Variants in NR2F1-AS1 observed in about 807,000 individuals in gnomAD.
The protein encoded by NR2F1-AS1 is NR2F1 regulatory antisense RNA 1.
intron 4 of NR2F1-AS1, among the ~76,000 whole-genome samples, chr5:93,551,234 T>C (rs970014854): frequency 1.3e-5 from 2 of 152,050 alleles, no homozygotes; most frequent in African/African-American, 4.8e-5. Context: ...ATTTAGAAAA[T>C]ACGCCACTCA....
chr5:93,575,033 A>C (rs1013879733), intron 1 of NR2F1-AS1, among the ~76,000 whole-genome samples: 4 of 152,270 alleles, frequency 2.6e-5, no homozygotes, highest in African/African-American at 9.6e-5. Context: ...GTGTCCCCCA[A>C]GTCCCAGCCC....
chr5:93,576,782 A>G (rs1225765195), intron 1 of NR2F1-AS1, among the ~76,000 whole-genome samples: 1 of 152,222 alleles, frequency 6.6e-6, no homozygotes, highest in Non-Finnish European at 1.5e-5. Flanking sequence ...ACAGGTAACT[A>G]TTAAGGGAAA....
chr5:93,419,074 G>A (rs1375420285), intron 4 of NR2F1-AS1, among the ~76,000 whole-genome samples: 1 of 152,186 alleles, frequency 6.6e-6, no homozygotes, highest in African/African-American at 2.4e-5. Context: ...TCACTACAGT[G>A]TTATTTGCAA....
upstream of NR2F1-AS1, chr5:93,584,139 G>C (rs979396852): frequency 6.7e-6 from 1 of 149,946 alleles, no homozygotes; most frequent in East Asian, 2.0e-4. Flanking sequence ...TCCCGAGCCC[G>C]GCGAGGGCTC....
At chr5:93,429,875 C>G (rs1749274193) in intron 4 of NR2F1-AS1, among the ~76,000 whole-genome samples, 1 of 152,204 alleles carries the variant, frequency 6.6e-6, no homozygotes, top group Admixed American at 6.5e-5. Flanking sequence ...CATCTATATA[C>G]AGTTACACAT....
chr5:93,470,472 GCTA>G (rs1750342938), intron 4 of NR2F1-AS1, among the ~76,000 whole-genome samples: 1 of 151,698 alleles, frequency 6.6e-6, no homozygotes, highest in African/African-American at 2.4e-5. Flanking sequence ...ACTAAATGCA[GCTA>G]ACCAAGAGAA....
rs563226262 is a variant in NR2F1-AS1 at position 93,535,837 on chromosome 5, A to C, written n.638+17924T>G. On this transcript the variant is annotated intron_variant and non_coding_transcript_variant, in intron 4 of 5. Coordinates refer to ENST00000660523, the Ensembl canonical transcript of NR2F1-AS1. ...TTAAATATACAAGACACTTAAACAC[A>C]ATAAAGGCCACATATGACAAACCTA... 1.1e-4 allele frequency among the ~76,000 whole-genome samples: 17 copies of C among 152,302 alleles called. No individual in the cohort carries two copies. In the South Asian group the frequency reaches 3.3e-3, roughly 30 times the overall value.
intron 4 of NR2F1-AS1, among the ~76,000 whole-genome samples, chr5:93,420,308 T>A (rs776423167): frequency 6.6e-6 from 1 of 152,158 alleles, no homozygotes; most frequent in Non-Finnish European, 1.5e-5. Flanking sequence ...CTTCTCCAGA[T>A]AGAACGAGCA....
At chr5:93,572,192 C>A (rs866442311) in intron 1 of NR2F1-AS1, among the ~76,000 whole-genome samples, 11 of 152,348 alleles carry the variant, frequency 7.2e-5, no homozygotes, top group African/African-American at 2.6e-4. Context: ...GAGCGGTTTG[C>A]GCGCACGCGC....
intron 4 of NR2F1-AS1, among the ~76,000 whole-genome samples, chr5:93,463,860 G>C (rs1039572114): frequency 3.3e-5 from 5 of 152,166 alleles, no homozygotes; most frequent in South Asian, 2.1e-4. Context: ...TACCCCCATT[G>C]GATCTAGAAA....
At chr5:93,477,185 C>T (rs1051807289) in intron 4 of NR2F1-AS1, among the ~76,000 whole-genome samples, 2 of 152,264 alleles carry the variant, frequency 1.3e-5, no homozygotes, top group Non-Finnish European at 2.9e-5. Context: ...ATTAGAGAAG[C>T]TGTTTATAGC....
intron 4 of NR2F1-AS1, among the ~76,000 whole-genome samples, chr5:93,455,180 A>G (rs1454878225): frequency 6.6e-6 from 1 of 152,216 alleles, no homozygotes; most frequent in Non-Finnish European, 1.5e-5. Flanking sequence ...TTTGATGACC[A>G]CAAGTGAAAT....
intron 4 of NR2F1-AS1, among the ~76,000 whole-genome samples, chr5:93,499,987 A>G (rs1686480753): frequency 6.6e-6 from 1 of 152,214 alleles, no homozygotes; most frequent in African/African-American, 2.4e-5. Context: ...CGAAAGAAAG[A>G]TTGGGAGCTA....
At chr5:93,469,644 T>C (rs917938924) in intron 4 of NR2F1-AS1, among the ~76,000 whole-genome samples, 2 of 152,088 alleles carry the variant, frequency 1.3e-5, no homozygotes, top group African/African-American at 2.4e-5. Flanking sequence ...GCTTGCACCA[T>C]GCCTTCCTTG....
upstream of NR2F1-AS1, chr5:93,585,098 C>T (rs1232450430): frequency 3.0e-6 from 3 of 1,001,376 alleles, no homozygotes; most frequent in Non-Finnish European, 2.4e-6. Context: ...GCCCCAACCC[C>T]GCAGCGCAGG....
chr5:93,429,160 T>C (rs1749257245), intron 4 of NR2F1-AS1, among the ~76,000 whole-genome samples: 2 of 152,334 alleles, frequency 1.3e-5, no homozygotes, highest in East Asian at 1.9e-4. Context: ...TTTTATGCTA[T>C]ACTCATTCTT....
chr5:93,519,092 GA>G (rs1751451769), intron 4 of NR2F1-AS1, among the ~76,000 whole-genome samples: 1 of 151,958 alleles, frequency 6.6e-6, no homozygotes, highest in South Asian at 2.1e-4. Context: ...ATGTCATGTT[GA>G]AGACTGACAT....
intron 2 of NR2F1-AS1, among the ~76,000 whole-genome samples, chr5:93,556,908 C>T (rs1191745864): frequency 1.3e-5 from 2 of 152,128 alleles, no homozygotes; most frequent in African/African-American, 4.8e-5. Context: ...AACACAACTA[C>T]TAAGGGAAAC....
chr5:93,532,788 TATGC>T (rs1751761559), intron 4 of NR2F1-AS1, among the ~76,000 whole-genome samples: 2 of 152,236 alleles, frequency 1.3e-5, no homozygotes, highest in Admixed American at 1.3e-4. Flanking sequence ...AGTATTGGAT[TATGC>T]AGCCATCATC....
Sources: gnomAD v4.1 joint callset for allele counts (sites outside exome capture counted in the v4.1 genomes callset) on GRCh38, gnomAD v4.1.1 for gene constraint, MANE v1.5 for transcripts, NCBI Gene and HGNC (gene_info 2026-07-23, HGNC 2026-07-21) for gene names.